Variants in KLF17 observed in about 807,000 individuals in gnomAD.
KLF17 encodes Krueppel-like factor 17.
Under a neutral mutation model 34.2 loss-of-function variants are expected in KLF17, and 31 were observed. The ratio of observed to expected loss-of-function variants is 0.91; its 90% CI spans 0.68 to 1.22. KLF17 has a LOEUF of 1.22. Ranked by LOEUF, KLF17 falls within the 50% of genes most tolerant of loss-of-function variation. The probability of loss-of-function intolerance (pLI) is 0.00; values close to 1 mark genes in which losing one functional copy is unlikely to be tolerated. For synonymous variants in KLF17, 179 were observed against 186.7 expected, an observed-to-expected ratio of 0.96 and a Z score of 0.34; for missense variants, 478 against 505.2, an observed-to-expected ratio of 0.95 and a Z score of 0.52.
At chr1:44,119,035 G>T (rs1229867458) in intron 1 of KLF17, 47 bp downstream of exon 1, 1 of 1,484,238 alleles carries the variant, frequency 6.7e-7, no homozygotes, top group South Asian at 1.2e-5. Context: ...CCCAGGCTAG[G>T]GGGCGGCGGG....
At chr1:44,124,651 C>T (rs34977179) in intron 1 of KLF17, among the ~76,000 whole-genome samples, 8,972 of 152,054 alleles carry the variant, frequency 0.059, 332 homozygotes, top group South Asian at 0.11. Flanking sequence ...CCCGCCACCT[C>T]GCCCGGCTAA....
chr1:44,066,101 G>C, the KLF17 span, among the ~76,000 whole-genome samples: 9 of 152,106 alleles, frequency 5.9e-5, no homozygotes, highest in Admixed American at 5.2e-4. Flanking sequence ...AAAATCACTT[G>C]AACTTAGAAG....
chr1:44,062,831 G>A, the KLF17 span, among the ~76,000 whole-genome samples: 1 of 152,112 alleles, frequency 6.6e-6, no homozygotes, highest in African/African-American at 2.4e-5. Context: ...AACTTTGGCA[G>A]TGTTTACTAA....
chr1:44,084,353 T>G, the KLF17 span, among the ~76,000 whole-genome samples: 1 of 152,084 alleles, frequency 6.6e-6, no homozygotes, highest in Non-Finnish European at 1.5e-5. Flanking sequence ...CTGTTGAAGG[T>G]TAAAGTTGCC....
chr1:44,070,793 C>T, the KLF17 span, among the ~76,000 whole-genome samples: 19 of 151,746 alleles, frequency 1.3e-4, no homozygotes, highest in African/African-American at 4.6e-4. Flanking sequence ...CAAAGAAGGA[C>T]AACACAGCAA....
chr1:44,090,556 G>A, the KLF17 span, among the ~76,000 whole-genome samples: 1 of 152,056 alleles, frequency 6.6e-6, no homozygotes, highest in African/African-American at 2.4e-5. Context: ...AGAAGAGGGG[G>A]CAGGTAACAG....
chr1:44,089,931 G>T, the KLF17 span, among the ~76,000 whole-genome samples: 3 of 152,018 alleles, frequency 2.0e-5, no homozygotes, highest in East Asian at 5.8e-4. Context: ...GGAGGCCAAG[G>T]GGGGCGGATC....
chr1:44,102,355 C>A, the KLF17 span, among the ~76,000 whole-genome samples: 1 of 152,012 alleles, frequency 6.6e-6, no homozygotes, highest in Non-Finnish European at 1.5e-5. Flanking sequence ...AGTTCGAGAC[C>A]AGCCTGGCCA....
the KLF17 span, among the ~76,000 whole-genome samples, chr1:44,086,753 G>T: frequency 6.6e-6 from 1 of 152,192 alleles, no homozygotes; most frequent in Non-Finnish European, 1.5e-5. Context: ...TAAGGATGCT[G>T]TTGGCTTGGT....
chr1:44,129,252 A>G (rs1223640494), intron 1 of KLF17, 101 bp from the exon 2 acceptor site: 1 of 1,351,736 alleles, frequency 7.4e-7, no homozygotes, highest in Admixed American at 2.5e-5. Flanking sequence ...CAAGCAAGAG[A>G]TGGAAATAGA....
At chr1:44,101,370 A>G in the KLF17 span, among the ~76,000 whole-genome samples, 1 of 152,234 alleles carries the variant, frequency 6.6e-6, no homozygotes, top group Non-Finnish European at 1.5e-5. Flanking sequence ...AAAATCTTGG[A>G]CCATGAGTTA....
At chr1:44,109,654 G>A in the KLF17 span, among the ~76,000 whole-genome samples, 2 of 151,866 alleles carry the variant, frequency 1.3e-5, no homozygotes, top group Admixed American at 6.6e-5. Context: ...TCTGTATACC[G>A]AACACACAGA....
the KLF17 span, among the ~76,000 whole-genome samples, chr1:44,059,508 G>A: frequency 6.6e-6 from 1 of 152,112 alleles, no homozygotes; most frequent in African/African-American, 2.4e-5. Context: ...TTCCCAGGGT[G>A]CACAGTTCTA....
At chr1:44,070,371 A>G in the KLF17 span, among the ~76,000 whole-genome samples, 2 of 151,886 alleles carry the variant, frequency 1.3e-5, no homozygotes, top group African/African-American at 2.4e-5. Flanking sequence ...CCGAATTTCC[A>G]TTGTCTGTCA....
chr1:44,127,679 T>TTTCA (rs2088035410), intron 1 of KLF17, among the ~76,000 whole-genome samples: 1 of 40,062 alleles, frequency 2.5e-5, no homozygotes, highest in Non-Finnish European at 6.0e-5. Context: ...TCTTTCTTTC[T>TTTCA]TTCTTTCTTT....
chr1:44,120,802 G>C (rs1427680651), intron 1 of KLF17, among the ~76,000 whole-genome samples: 1 of 152,184 alleles, frequency 6.6e-6, no homozygotes, highest in East Asian at 1.9e-4. Context: ...TCTTATGCTA[G>C]TTGCTGAGCA....
chr1:44,100,477 GA>G, the KLF17 span, among the ~76,000 whole-genome samples: 19 of 152,196 alleles, frequency 1.2e-4, 2 homozygotes, highest in African/African-American at 4.3e-4. Context: ...ATCTAAGAAT[GA>G]GGGGGGGAAC....
In KLF17 at chr1:44,130,566, C is replaced by G; in HGVS notation, c.980C>G (p.Ser327Cys). 1 of 1,614,102 alleles carries G rather than the reference C, an allele frequency of 6.2e-7. No individual in the cohort carries two copies. Among genetic ancestry groups the G allele is most frequent in the Non-Finnish European group, 8.5e-7 (1 of 1,180,000 alleles). The change falls in exon 3 of 4, where the codon TCT becomes TGT. Residue 327 changes from serine to cysteine, a missense_variant. Physicochemically the swap from Ser to Cys is moderately radical, Grantham distance 112. Transcript: ENST00000372299. ...WESCSWSFFR[S>C]DELRRHMRVH... ...AGTTGTTCATGGTCTTTCTTCCGTT[C>G]TGATGAGCTTAGACGACATATGCGG... is the stretch of plus-strand genomic sequence containing the variant.
chr1:44,044,721 A>G, the KLF17 span: 2 of 152,284 alleles, frequency 1.3e-5, no homozygotes, highest in Admixed American at 6.5e-5. Context: ...CTCTGCAGCC[A>G]TGGGCAAATT....
Sources: gnomAD v4.1 joint callset for allele counts (sites outside exome capture counted in the v4.1 genomes callset) on GRCh38, gnomAD v4.1.1 for gene constraint, MANE v1.5 for transcripts, NCBI Gene and HGNC (gene_info 2026-07-23, HGNC 2026-07-21) for gene names.